Variants in TGIF1 observed in about 807,000 individuals in gnomAD.
TGIF1 encodes the protein homeobox protein TGIF1.
TGIF1 carries 4 observed loss-of-function variants against 19.3 expected under a neutral mutation model. The ratio of observed to expected loss-of-function variants is 0.21; its 90% CI spans 0.10 to 0.47. The LOEUF (loss-of-function observed/expected upper bound fraction) is 0.47, where lower values mean the gene tolerates loss of function less well. Among genes scored for constraint, TGIF1 ranks in the 20% least tolerant of loss-of-function variants. TGIF1 has a pLI of 0.98. For synonymous variants in TGIF1, 122 were observed against 129.3 expected, an observed-to-expected ratio of 0.94 and a Z score of 0.38; for missense variants, 275 against 341.4, an observed-to-expected ratio of 0.81 and a Z score of 1.53.
rs1270285984 is a variant in TGIF1, at chr18:3,456,717, T to C, written c.243+137T>C. The C allele has an allele frequency of 2.5e-6, 2 of 808,352 alleles. No individual in the cohort carries two copies. Among genetic ancestry groups the C allele is most frequent in the African/African-American group, 3.4e-5 (2 of 59,166 alleles). The allele number at this position is 808,352 out of a possible 1,614,324, so 50.1% of individuals were successfully genotyped here. A position where few individuals can be genotyped will look rare whatever the true frequency, so the allele number is the denominator to read the frequency against. On this transcript the variant is annotated intron_variant, in intron 2 of 2. Transcript: ENST00000343820. This position sits in a 1 kb window ranked among gnomAD's most constrained non-coding sequence, Gnocchi z 4.2. ...TATCTTTTTATTGTAAACTTGATAG[T>C]GTTAAAAGCTAATAACTAGCTATTT...
rs571767861 is a variant in TGIF1, at chr18:3,451,899, G to A, written c.16+1394G>A. On this transcript the variant is annotated intron_variant, in intron 1 of 2. Transcript: ENST00000343820. This position sits in a 1 kb window ranked among gnomAD's most constrained non-coding sequence, Gnocchi z 5.4. ...CCGTGAAAGCCGTGCCGACCCTTGG[G>A]AGGACTGACAGGTCTAGAGACACGC... 6.7e-7 allele frequency: 1 copy of A among 1,494,378 alleles called. No individual in the cohort carries two copies. Among genetic ancestry groups the A allele is most frequent in the Admixed American group, 2.3e-5 (1 of 43,074 alleles). 92.6% of individuals were successfully genotyped at this position (1,494,378 alleles called of 1,614,324 possible).
At chr18:3,447,690 G>T (rs553252263), upstream of TGIF1, 15 of 1,608,306 alleles carry the variant, frequency 9.3e-6, no homozygotes, top group East Asian at 3.3e-4. Flanking sequence ...ACAGAATTGT[G>T]CCAGTGTTTC....
At chr18:3,428,985 G>A (rs1011071863) in intron 2 of TGIF1, among the ~76,000 whole-genome samples, 1 of 152,096 alleles carries the variant, frequency 6.6e-6, no homozygotes, top group Non-Finnish European at 1.5e-5. Context: ...CCCAGGAGGC[G>A]GAGGTTAGAG....
In TGIF1 at chr18:3,457,495, C is replaced by G; in HGVS notation, c.374C>G (p.Ser125Cys). The G allele has an allele frequency of 6.2e-7, 1 of 1,614,214 alleles. No individual in the cohort carries two copies. The highest frequency in any genetic ancestry group is 8.5e-7 in the Non-Finnish European group (1 of 1,180,036). Residue 125 changes from serine (S) to cysteine (C), a missense_variant, in exon 3 of 3, where the codon TCC becomes TGC. Ser to Cys is a moderately radical substitution (Grantham distance 112). Transcript: ENST00000343820. This position sits in a 1 kb window ranked among gnomAD's most constrained non-coding sequence, Gnocchi z 4.9. ...AKISETSSVE[S>C]VMGIKNFMPA... ...ATTTCTGAAACGAGCTCTGTGGAGTCCGTGATGGGCATCAAAAACTTCATG... is the reference window on the plus strand; with the variant it reads ...ATTTCTGAAACGAGCTCTGTGGAGTGCGTGATGGGCATCAAAAACTTCATG...
rs1598912035 is a variant in TGIF1, at chr18:3,456,861, G to GA, written c.243+284dup. On this transcript the variant is annotated intron_variant, in intron 2 of 2. Transcript: ENST00000343820. The surrounding 1 kb of genome is among the most constrained non-coding windows in gnomAD (Gnocchi z 4.2). The stretch of plus-strand genomic sequence containing the variant: ...GGTTAAACCTTACTCTATTGTCCAG[G>GA]AAACTGGTTTGATATTTAAACAAGG... 5.0e-6 allele frequency: 3 copies of GA among 605,912 alleles called. No individual in the cohort carries two copies. Among genetic ancestry groups the GA allele is most frequent in the Non-Finnish European group, 8.7e-6 (3 of 343,108 alleles). 37.5% of individuals were successfully genotyped at this position (605,912 alleles called of 1,614,324 possible).
intron 2 of TGIF1, among the ~76,000 whole-genome samples, chr18:3,419,547 G>A (rs2082374044): frequency 6.6e-6 from 1 of 152,206 alleles, no homozygotes; most frequent in African/African-American, 2.4e-5. Flanking sequence ...TTCTTTTGAA[G>A]CAGTCTTTTT....
upstream of TGIF1, chr18:3,449,926 C>T: frequency 2.0e-6 from 2 of 986,198 alleles, no homozygotes; most frequent in Non-Finnish European, 2.4e-6. Context: ...GCCCCCACCG[C>T]CGGGCGAGGG....
At position 3,458,496 on chromosome 18, in the gene TGIF1, G is replaced by T. The variant is rs73939394; in HGVS notation, c.*556G>T. 0.023 allele frequency: 3,770 copies of T among 162,634 alleles called. 132 individuals carry two copies. Among genetic ancestry groups the T allele is most frequent in the African/African-American group, 0.081 (3,358 of 41,518 alleles). The allele number at this position is 162,634 out of a possible 1,614,324, so 10.1% of individuals were successfully genotyped here. ...TAGCACCCCAGTGAGCAGGAAGCTG[G>T]GGGGGTAGGGTGCAGTGTTAGGGGG... On this transcript the variant is annotated 3_prime_UTR_variant, in exon 3 of 3. Transcript: ENST00000343820.
intron 2 of TGIF1, among the ~76,000 whole-genome samples, chr18:3,431,179 G>A (rs1027119729): frequency 1.3e-5 from 2 of 152,222 alleles, no homozygotes; most frequent in Non-Finnish European, 2.9e-5. Context: ...TGGCGTGGTG[G>A]CTCGCACCTT....
chr18:3,420,463 GAAATA>G (rs896547513), intron 2 of TGIF1, among the ~76,000 whole-genome samples: 3 of 151,962 alleles, frequency 2.0e-5, no homozygotes, highest in African/African-American at 7.3e-5. Flanking sequence ...TAAGAGCAAT[GAAATA>G]AAATAAACTA....
At chr18:3,445,452 T>C (rs2082728157), upstream of TGIF1, among the ~76,000 whole-genome samples, 2 of 151,806 alleles carry the variant, frequency 1.3e-5, no homozygotes, top group South Asian at 2.1e-4. Flanking sequence ...AGGCCGGGCG[T>C]AGTGGCTCAC....
chr18:3,446,169 GA>G, upstream of TGIF1, among the ~76,000 whole-genome samples: 1 of 152,204 alleles, frequency 6.6e-6, no homozygotes, highest in South Asian at 2.1e-4. Flanking sequence ...TGTGCTCAAG[GA>G]ATTATCTTTC....
chr18:3,416,212 C>T (rs937380930), intron 1 of TGIF1, among the ~76,000 whole-genome samples: 2 of 152,208 alleles, frequency 1.3e-5, no homozygotes, highest in Admixed American at 6.5e-5. Context: ...GAAGCTTGGA[C>T]GTTAGGTATA....
At chr18:3,424,605 A>G (rs990400719) in intron 2 of TGIF1, among the ~76,000 whole-genome samples, 12 of 152,122 alleles carry the variant, frequency 7.9e-5, no homozygotes, top group Non-Finnish European at 1.5e-4. Flanking sequence ...GGTAGGGGCT[A>G]CTGGATAGCC....
At chr18:3,421,889 T>C (rs1366839452) in intron 2 of TGIF1, among the ~76,000 whole-genome samples, 3 of 151,872 alleles carry the variant, frequency 2.0e-5, no homozygotes, top group Non-Finnish European at 4.4e-5. Flanking sequence ...GGGAAAGATA[T>C]ACAGGTGAAA....
intron 1 of TGIF1, chr18:3,455,180 T>C (rs1041790600): frequency 6.6e-6 from 1 of 152,236 alleles, no homozygotes; most frequent in Non-Finnish European, 1.5e-5. Context: ...CATTTCTGTT[T>C]TTAAGATTCT....
Position 3,451,928 on chromosome 18 carries a change from G to T in TGIF1, c.16+1423G>T. On this transcript the variant is annotated intron_variant, in intron 1 of 2. Coordinates refer to ENST00000343820, the MANE Select transcript of TGIF1 (RefSeq NM_003244.4). The surrounding 1 kb of genome is among the most constrained non-coding windows in gnomAD (Gnocchi z 5.4). ...ACTGACAGGTCTAGAGACACGCGCT[G>T]TCTGTTGTGGTGGGCCTCCCGGGAA... The T allele has an allele frequency of 6.5e-7, 1 of 1,537,830 alleles. No homozygotes were observed. The highest frequency in any genetic ancestry group is 2.0e-4 in the Middle Eastern group (1 of 5,026).
chr18:3,451,810 G>C lies in TGIF1; in HGVS notation c.16+1305G>C. ...CCTAAGGACCCCTCCCCGCGGGACG[G>C]AGGGAGGACTCGGGACAGGGAATTG... On this transcript the variant is annotated intron_variant, in intron 1 of 2. Transcript: ENST00000343820. The surrounding 1 kb of genome is among the most constrained non-coding windows in gnomAD (Gnocchi z 5.4). The C allele has an allele frequency of 7.7e-7, 1 of 1,305,806 alleles. No individual in the cohort carries two copies. The allele number at this position is 1,305,806 out of a possible 1,614,324, so 80.9% of individuals were successfully genotyped here.
At chr18:3,423,704 A>G (rs2082436097) in intron 2 of TGIF1, among the ~76,000 whole-genome samples, 1 of 151,824 alleles carries the variant, frequency 6.6e-6, no homozygotes, top group Admixed American at 6.6e-5. Context: ...GAGTTTTAAA[A>G]ATTAGCCGGG....
Sources: gnomAD v4.1 joint callset for allele counts (sites outside exome capture counted in the v4.1 genomes callset) on GRCh38, gnomAD v4.1.1 for gene constraint, Gnocchi (gnomAD v3.1) non-coding constraint, MANE v1.5 for transcripts, NCBI Gene and HGNC (gene_info 2026-07-23, HGNC 2026-07-21) for gene names.